Variants in BECN1 observed in about 807,000 individuals in gnomAD.
BECN1 encodes beclin-1.
In BECN1, 15 loss-of-function variants were observed where a neutral mutation model predicts 60.1. That is an observed-to-expected ratio of 0.25 (90% CI 0.17 to 0.38). The LOEUF (loss-of-function observed/expected upper bound fraction) is 0.38. Among genes scored for constraint, BECN1 ranks in the 10% least tolerant of loss-of-function variants. The pLI, the probability that BECN1 is intolerant of heterozygous loss-of-function variation, is 1.00. For missense variants in BECN1, 424 were observed against 548.2 expected, an observed-to-expected ratio of 0.77 and a Z score of 2.26; for synonymous variants, 179 against 201.8, an observed-to-expected ratio of 0.89 and a Z score of 0.96.
At chr17:42,818,998 C>T in intron 4 of BECN1, 121 bp from the exon 5 acceptor site, 1 of 1,098,124 alleles carries the variant, frequency 9.1e-7, no homozygotes, top group Non-Finnish European at 1.3e-6. Context: ...AACATACCCA[C>T]TCCTAGCCCG....
At chr17:42,822,277 T>A in intron 2 of BECN1, among the ~76,000 whole-genome samples, 1 of 152,260 alleles carries the variant, frequency 6.6e-6, no homozygotes, top group East Asian at 1.9e-4. Flanking sequence ...CTAATACTTA[T>A]TGAATACTAT....
In BECN1 at chr17:42,823,794, G is replaced by A. The variant is rs2055326188; in HGVS notation, c.84C>T (p.Asp28=). ...CQRCSQPLKL[D]TSFKILDRVT... is the part of the protein sequence containing the mutation. ...CACGGTCCAGGATCTTGAAACTCGTGTCCAGTTTCAGGGGCTGGCTGCAGC... is the reference window on the plus strand; with the variant it reads ...CACGGTCCAGGATCTTGAAACTCGTATCCAGTTTCAGGGGCTGGCTGCAGC... Residue 28 remains aspartate, a synonymous_variant, in exon 2 of 12, where the codon GAC becomes GAT. Coordinates refer to ENST00000590099, the MANE Select transcript of BECN1 (RefSeq NM_001313998.2). 1 of 1,614,014 alleles carries A rather than the reference G, an allele frequency of 6.2e-7. No individual in the cohort carries two copies. Among genetic ancestry groups the A allele is most frequent in the South Asian group, 1.1e-5 (1 of 91,092 alleles).
At chr17:42,820,479 C>T in intron 3 of BECN1, 1 of 329,654 alleles carries the variant, frequency 3.0e-6, no homozygotes, top group Admixed American at 4.0e-5. Context: ...ACAGGTCATC[C>T]CATCTCCAAC....
intron 4 of BECN1, 62 bp from the exon 5 acceptor site, chr17:42,818,939 A>G: frequency 6.4e-7 from 1 of 1,567,634 alleles, no homozygotes. Flanking sequence ...TCCACCTACT[A>G]CAATGCCAGT....
chr17:42,819,165 G>C, intron 4 of BECN1: 1 of 484,962 alleles, frequency 2.1e-6, no homozygotes, highest in Non-Finnish European at 3.6e-6. Context: ...ACCAGGAAAG[G>C]CCATTTTAGA....
At chr17:42,824,043 G>C in intron 1 of BECN1, 112 bp downstream of exon 1, 1 of 918,614 alleles carries the variant, frequency 1.1e-6, no homozygotes, top group Non-Finnish European at 1.6e-6. Context: ...TTCCGGGACA[G>C]CCTGAGCAAA....
intron 3 of BECN1, 61 bp downstream of exon 3, chr17:42,820,713 A>G (rs367581356): frequency 5.4e-6 from 8 of 1,483,924 alleles, no homozygotes; most frequent in African/African-American, 1.4e-5. Context: ...TTTTCATATC[A>G]TATCTCTCAT....
chr17:42,810,998 G>A, intron 11 of BECN1, 70 bp from the exon 12 acceptor site: 2 of 1,414,830 alleles, frequency 1.4e-6, no homozygotes, highest in East Asian at 2.4e-5. Context: ...GCAGGGACTT[G>A]ATCATGGGAC....
intron 11 of BECN1, 109 bp from the exon 12 acceptor site, chr17:42,811,037 C>T: frequency 8.6e-7 from 1 of 1,168,688 alleles, no homozygotes; most frequent in Non-Finnish European, 1.2e-6. Context: ...TATTAAAGAA[C>T]ACTTGGTGAG....
chr17:42,814,525 T>C lies in BECN1; in HGVS notation c.979A>G (p.Arg327Gly), dbSNP rs775076091. ...CCAAGAAAGGGCTACACTTCCTACCTCTGAAATTTCAGACCCATCTTATTG... is the reference window on the plus strand; with the variant it reads ...CCAAGAAAGGGCTACACTTCCTACCCCTGAAATTTCAGACCCATCTTATTG... ...LANKMGLKFQ[R>G]YRLVPYGNHS... Residue 327 changes from arginine (R) to glycine (G), a missense_variant and splice_region_variant, in exon 9 of 12, where the codon AGA (arginine) becomes GGA (glycine). Physicochemically the swap from Arg to Gly is moderately radical, Grantham distance 125 (BLOSUM62 -2). Coordinates refer to ENST00000590099, the MANE Select transcript of BECN1 (RefSeq NM_001313998.2). 1 of 1,614,132 alleles carries C rather than the reference T, an allele frequency of 6.2e-7. No individual in the cohort carries two copies. The highest frequency in any genetic ancestry group is 1.7e-5 in the Admixed American group (1 of 60,012).
intron 2 of BECN1, among the ~76,000 whole-genome samples, chr17:42,823,301 C>T (rs1254124352): frequency 1.3e-5 from 2 of 152,218 alleles, no homozygotes; most frequent in Non-Finnish European, 2.9e-5. Flanking sequence ...GTTGCCCAGG[C>T]TGGAGTGCAG....
chr17:42,818,596 C>T lies in BECN1; in HGVS notation c.436G>A (p.Asp146Asn). 1.2e-6 allele frequency: 2 copies of T among 1,614,158 alleles called. No homozygotes were observed. The highest frequency in any genetic ancestry group is 1.7e-6 in the Non-Finnish European group (2 of 1,180,032). Residue 146 changes from aspartate (D) to asparagine (N), a missense_variant, in exon 6 of 12, where the codon GAC (aspartate) becomes AAC (asparagine). This residue lies in a region of BECN1 where 326 missense variants were observed against 406.2 expected (regional missense o/e 0.80). Coordinates refer to ENST00000590099, the MANE Select transcript of BECN1 (RefSeq NM_001313998.2). ...ACGTTGAGCTGAGTGTCCAGCTGGT[C>T]TAAAAGAGTATCTGTGCATTCCTCA... ...LCEECTDTLL[D>N]QLDTQLNVTE...
intron 11 of BECN1, 73 bp downstream of exon 11, chr17:42,811,582 C>A (rs2055007091): frequency 3.9e-6 from 6 of 1,544,082 alleles, no homozygotes; most frequent in Non-Finnish European, 4.4e-6. Flanking sequence ...TGTTTTGCCT[C>A]CATTATTACT....
At chr17:42,819,108 G>C (rs1457579800) in intron 4 of BECN1, 6 of 553,246 alleles carry the variant, frequency 1.1e-5, no homozygotes, top group Non-Finnish European at 1.9e-5. Context: ...TAAGGAGGGA[G>C]AGGGAGCATA....
intron 2 of BECN1, among the ~76,000 whole-genome samples, chr17:42,822,772 A>G (rs906056905): frequency 7.9e-5 from 12 of 151,476 alleles, no homozygotes; most frequent in African/African-American, 2.7e-4. Context: ...GCATGATCAT[A>G]GCTTCCTGCA....
In BECN1 at chr17:42,813,963, CAG is replaced by C. The variant is rs750618706; in HGVS notation, c.1024_1025del (p.Leu342AspfsTer5). 1.9e-6 allele frequency: 3 copies of C among 1,602,964 alleles called. No homozygotes were observed. The highest frequency in any genetic ancestry group is 2.6e-6 in the Non-Finnish European group (3 of 1,172,262). On this transcript the variant is annotated frameshift_variant, in exon 10 of 12. Coordinates refer to ENST00000590099, the MANE Select transcript of BECN1 (RefSeq NM_001313998.2). LOFTEE classifies it high-confidence loss of function. The part of the protein sequence containing the change: ...PYGNHSYLES[L>X]TDKSKELPLY... The stretch of plus-strand genomic sequence containing the variant: ...CACAGAGTACCTTAGATTTGTCTGT[CAG>C]AGACTCCAGATATGAATGGTTTCCG...
In BECN1 at chr17:42,814,655, G is replaced by A; in HGVS notation, c.849C>T (p.Gly283=). Residue 283 remains glycine, a synonymous_variant, in exon 9 of 12, where the codon GGC becomes GGT. Coordinates refer to ENST00000590099, the MANE Select transcript of BECN1 (RefSeq NM_001313998.2). ...GACCCAGCCTGAAGTTATTGATTGTGCCAAACTGTCCACTGTGCCTACAGA... is the reference window on the plus strand; with the variant it reads ...GACCCAGCCTGAAGTTATTGATTGTACCAAACTGTCCACTGTGCCTACAGA... ...TFHIWHSGQF[G]TINNFRLGRL... 6.2e-7 allele frequency: 1 copy of A among 1,614,182 alleles called. No individual in the cohort carries two copies. Among genetic ancestry groups the A allele is most frequent in the East Asian group, 2.2e-5 (1 of 44,886 alleles).
chr17:42,817,186 T>G (rs2055163774), intron 7 of BECN1, among the ~76,000 whole-genome samples: 1 of 151,844 alleles, frequency 6.6e-6, no homozygotes, highest in Admixed American at 6.6e-5. Flanking sequence ...TTCCAGCTAC[T>G]TGGGAGGCTG....
intron 7 of BECN1, 54 bp from the exon 8 acceptor site, chr17:42,816,108 C>A: frequency 6.7e-7 from 1 of 1,500,880 alleles, no homozygotes; most frequent in Non-Finnish European, 8.9e-7. Flanking sequence ...GCTAAAGTTT[C>A]TCTCTCACCA....
Sources: gnomAD v4.1 joint callset for allele counts (sites outside exome capture counted in the v4.1 genomes callset) on GRCh38, gnomAD v4.1.1 for gene constraint, gnomAD v4.1.1 regional missense constraint, MANE v1.5 for transcripts, NCBI Gene and HGNC (gene_info 2026-07-23, HGNC 2026-07-21) for gene names.